ALK: variants seen among roughly 807,000 people sequenced by gnomAD.
The protein encoded by ALK is ALK tyrosine kinase receptor.
In ALK, 74 loss-of-function variants were observed where a neutral mutation model predicts 163.1. That is an observed-to-expected ratio of 0.45 (90% CI 0.38 to 0.55). ALK has a LOEUF of 0.55. Ranked by LOEUF, ALK falls within the 20% of genes least tolerant of loss-of-function variation. ALK has a pLI of 0.00. For synonymous variants in ALK, 960 were observed against 843.2 expected (o/e 1.14, Z -2.40); for missense variants, 2,063 against 2,105.3 (o/e 0.98, Z 0.39).
chr2:29,284,294 T>C (rs1573191850), intron 9 of ALK, among the ~76,000 whole-genome samples: 1 of 152,076 alleles, frequency 6.6e-6, no homozygotes, highest in African/African-American at 2.4e-5. Context: ...GTGGAAGTTA[T>C]GAGCATTGAT....
chr2:29,594,531 C>T (rs368829957), intron 3 of ALK, among the ~76,000 whole-genome samples: 3 of 150,288 alleles, frequency 2.0e-5, no homozygotes, highest in Non-Finnish European at 4.4e-5. Flanking sequence ...CGGGTTCAAG[C>T]GATTCTCCTG....
At chr2:29,611,073 G>A (rs1376255081) in intron 3 of ALK, among the ~76,000 whole-genome samples, 2 of 152,136 alleles carry the variant, frequency 1.3e-5, no homozygotes, top group Non-Finnish European at 2.9e-5. Flanking sequence ...GAGTGTGGGA[G>A]AGGGACAGGC....
chr2:29,838,348 C>CA (rs1480767295), intron 1 of ALK, among the ~76,000 whole-genome samples: 3 of 152,052 alleles, frequency 2.0e-5, no homozygotes, highest in Admixed American at 2.0e-4. Flanking sequence ...ATGAAAAATA[C>CA]AAATCTACAG....
chr2:29,369,386 T>C (rs967214949), intron 5 of ALK, among the ~76,000 whole-genome samples: 4 of 151,266 alleles, frequency 2.6e-5, no homozygotes, highest in Non-Finnish European at 2.9e-5. Flanking sequence ...GGAGGAGAAA[T>C]AGCAGAAGGG....
chr2:29,705,238 G>T (rs1237025835), intron 2 of ALK, among the ~76,000 whole-genome samples: 8 of 42,282 alleles, frequency 1.9e-4, no homozygotes, highest in Non-Finnish European at 3.2e-4. Context: ...GAAAAGAAAA[G>T]AAATATATAT....
At chr2:29,824,248 A>T (rs942213059) in intron 1 of ALK, among the ~76,000 whole-genome samples, 1 of 152,258 alleles carries the variant, frequency 6.6e-6, no homozygotes, top group Non-Finnish European at 1.5e-5. Context: ...TCCAGGCAGA[A>T]GTTTGCTGCA....
At chr2:29,444,231 G>C (rs1007443327) in intron 4 of ALK, among the ~76,000 whole-genome samples, 1 of 152,176 alleles carries the variant, frequency 6.6e-6, no homozygotes, top group Admixed American at 6.5e-5. Flanking sequence ...TGCTTGGCTT[G>C]AGGTGGTTGA....
At chr2:29,479,322 T>C (rs1671604387) in intron 4 of ALK, among the ~76,000 whole-genome samples, 1 of 152,192 alleles carries the variant, frequency 6.6e-6, no homozygotes. Context: ...TCTTTCTTCA[T>C]ACACAGATCT....
At chr2:29,796,929 G>A in intron 1 of ALK, among the ~76,000 whole-genome samples, 1 of 151,098 alleles carries the variant, frequency 6.6e-6, no homozygotes, top group Non-Finnish European at 1.5e-5. Context: ...ACTATCAAAT[G>A]GCTCAATGAC....
At chr2:29,770,432 C>T (rs1399884214) in intron 1 of ALK, among the ~76,000 whole-genome samples, 2 of 152,230 alleles carry the variant, frequency 1.3e-5, no homozygotes, top group Admixed American at 6.5e-5. Context: ...GGCTTCCAAA[C>T]AGCATTCTAG....
chr2:29,609,448 C>T (rs895331795), intron 3 of ALK, among the ~76,000 whole-genome samples: 1 of 151,004 alleles, frequency 6.6e-6, no homozygotes, highest in East Asian at 2.0e-4. Flanking sequence ...ATATTAAGAG[C>T]TTTTGTTTAG....
intron 1 of ALK, among the ~76,000 whole-genome samples, chr2:29,766,098 G>A (rs891623990): frequency 3.3e-5 from 5 of 152,152 alleles, no homozygotes; most frequent in Non-Finnish European, 5.9e-5. Flanking sequence ...ACAGTATTTT[G>A]TTGTATCAAT....
At chr2:29,814,323 T>C (rs1380001472) in intron 1 of ALK, among the ~76,000 whole-genome samples, 1 of 151,950 alleles carries the variant, frequency 6.6e-6, no homozygotes, top group Non-Finnish European at 1.5e-5. Flanking sequence ...ATATATGTCC[T>C]TTCTCCAGTC....
In ALK at chr2:29,296,916, C is replaced by T; in HGVS notation, c.1789G>A (p.Val597Met). ...TCAGACACATCGAGGAGAGGCAACACCATCCACTGCCACAGGCTCAAGCCT... is the reference window on the plus strand; with the variant it reads ...TCAGACACATCGAGGAGAGGCAACATCATCCACTGCCACAGGCTCAAGCCT... ...YEGLSLWQWM[V>M]LPLLDVSDRF... The change falls in exon 9 of 29, where the codon GTG (valine) becomes ATG (methionine). Residue 597 changes from valine to methionine, a missense_variant. This residue lies in a region of ALK where 987 missense variants were observed against 939.5 expected (regional missense o/e 1.05). Transcript: ENST00000389048. 4 of 1,614,176 alleles carry T rather than the reference C, an allele frequency of 2.5e-6. No individual in the cohort carries two copies. The highest frequency in any genetic ancestry group is 3.4e-6 in the Non-Finnish European group (4 of 1,180,016).
At chr2:29,776,936 G>T (rs935721346) in intron 1 of ALK, among the ~76,000 whole-genome samples, 3 of 152,222 alleles carry the variant, frequency 2.0e-5, no homozygotes, top group Non-Finnish European at 2.9e-5. Context: ...AGGACTACTT[G>T]TGACCTAAGA....
intron 3 of ALK, among the ~76,000 whole-genome samples, chr2:29,688,863 C>T (rs887520404): frequency 1.3e-5 from 2 of 152,146 alleles, no homozygotes; most frequent in Non-Finnish European, 2.9e-5. Context: ...TTATTGACTC[C>T]CATTAACGAG....
intron 4 of ALK, among the ~76,000 whole-genome samples, chr2:29,464,528 G>A (rs1288591581): frequency 6.6e-6 from 1 of 152,156 alleles, no homozygotes; most frequent in South Asian, 2.1e-4. Context: ...TTCATGTAAA[G>A]GAGACATGGG....
chr2:29,851,911 T>A (rs992684423), intron 1 of ALK, among the ~76,000 whole-genome samples: 2 of 152,232 alleles, frequency 1.3e-5, no homozygotes, highest in African/African-American at 4.8e-5. Flanking sequence ...AGATGCAGAA[T>A]GTCCAAGGGA....
intron 4 of ALK, among the ~76,000 whole-genome samples, chr2:29,415,888 C>T (rs977588134): frequency 1.3e-5 from 2 of 152,172 alleles, no homozygotes; most frequent in Non-Finnish European, 2.9e-5. Flanking sequence ...TTTTGGTTTT[C>T]AGGCCTTTTG....
Sources: gnomAD v4.1 joint callset for allele counts (sites outside exome capture counted in the v4.1 genomes callset) on GRCh38, gnomAD v4.1.1 for gene constraint, gnomAD v4.1.1 regional missense constraint, MANE v1.5 for transcripts, NCBI Gene and HGNC (gene_info 2026-07-23, HGNC 2026-07-21) for gene names.